Variants in XRCC1 observed in about 807,000 individuals in gnomAD.
XRCC1 encodes X-ray repair cross complementing 1.
In XRCC1, 52 loss-of-function variants were observed where a neutral mutation model predicts 83.3. The observed-to-expected ratio is 0.62, with a 90% CI of 0.50 to 0.79. The LOEUF (loss-of-function observed/expected upper bound fraction) is 0.79. XRCC1 is among the 30% of genes least tolerant of loss of function. The pLI is 0.00. For missense variants in XRCC1, 793 were observed against 823.5 expected (o/e 0.96, Z 0.45); for synonymous variants, 281 against 312.6 (o/e 0.90, Z 1.07).
intron 2 of XRCC1, among the ~76,000 whole-genome samples, chr19:43,563,449 T>C (rs570316531): frequency 2.0e-5 from 3 of 152,270 alleles, no homozygotes; most frequent in South Asian, 4.1e-4. Flanking sequence ...GCCGAGATTG[T>C]GCCACTGCAC....
At position 43,552,072 on chromosome 19, in the gene XRCC1, G is replaced by C. The variant is rs746844181; in HGVS notation, c.1027C>G (p.Leu343Val). ...GGCCGATACTTGGCCCCAAGCTCTA[G>C]GGCCTTATCTCGCAGCTCGGAGCGG... Reference protein sequence around the residue: ...PFRSELRDKALELGAKYRPDW... With the variant: ...PFRSELRDKAVELGAKYRPDW... Residue 343 changes from leucine to valine, a missense_variant, in exon 9 of 17, where the codon CTA (leucine) becomes GTA (valine). Physicochemically the swap from Leu to Val is conservative, Grantham distance 32. Coordinates refer to ENST00000262887, the MANE Select transcript of XRCC1 (RefSeq NM_006297.3). The C allele has an allele frequency of 1.9e-6, 3 of 1,614,098 alleles. No homozygotes were observed. The highest frequency in any genetic ancestry group is 1.3e-5 in the African/African-American group (1 of 75,026).
intron 4 of XRCC1, among the ~76,000 whole-genome samples, chr19:43,554,057 C>A (rs1418545007): frequency 6.6e-6 from 1 of 152,102 alleles, no homozygotes; most frequent in East Asian, 1.9e-4. Flanking sequence ...GATGCAGAGC[C>A]AGAAAATAGG....
chr19:43,560,846 G>T (rs1450527645), intron 3 of XRCC1, 64 bp downstream of exon 3: 1 of 1,363,448 alleles, frequency 7.3e-7, no homozygotes. Flanking sequence ...GCCCCTGGGG[G>T]AGACGGTGAT....
chr19:43,572,927 C>CTTTTTTTTTTTTTTT (rs1015971628), intron 2 of XRCC1, among the ~76,000 whole-genome samples: 1 of 91,150 alleles, frequency 1.1e-5, no homozygotes, highest in African/African-American at 4.5e-5. Context: ...GAGATCTTTT[C>CTTTTTTTTTTTTTTT]TTTTTTTTTT....
rs1425222427 is a variant in XRCC1 at position 43,545,183 on chromosome 19, T to C, written c.1621+635A>G. ...CCACGAGGAACTGGGTGGAAACGGC[T>C]CTTCTGGAAGCCCCAGAACCACACC... On this transcript the variant is annotated intron_variant, in intron 14 of 16. Transcript: ENST00000262887. 6.6e-5 allele frequency among the ~76,000 whole-genome samples: 10 copies of C among 152,164 alleles called. No individual in the cohort carries two copies. In the East Asian group the frequency reaches 1.9e-3, roughly 29 times the overall value.
At chr19:43,559,279 C>G (rs538615794) in intron 3 of XRCC1, among the ~76,000 whole-genome samples, 2 of 151,548 alleles carry the variant, frequency 1.3e-5, no homozygotes, top group East Asian at 3.9e-4. Context: ...GTCAGGAGAT[C>G]GAGACCATCC....
At position 43,543,376 on chromosome 19, in the gene XRCC1, GT is replaced by G; in HGVS notation, c.*15del. 1 of 1,422,076 alleles carries G rather than the reference GT, an allele frequency of 7.0e-7. No homozygotes were observed. The highest frequency in any genetic ancestry group is 9.8e-7 in the Non-Finnish European group (1 of 1,015,992). The allele number at this position is 1,422,076 out of a possible 1,614,324, so 88.1% of individuals were successfully genotyped here. A position where few individuals can be genotyped will look rare whatever the true frequency, so the allele number is the denominator to read the frequency against. On this transcript the variant is annotated 3_prime_UTR_variant, in exon 17 of 17. Transcript: ENST00000262887. ...TGTGTGTGTGTGTGTGTGTGTGTGT[GT>G]GTATAGCACATACTTCAGGCTTGCG...
At chr19:43,561,497 A>G (rs1450101837) in intron 2 of XRCC1, among the ~76,000 whole-genome samples, 3 of 152,180 alleles carry the variant, frequency 2.0e-5, no homozygotes, top group African/African-American at 7.2e-5. Flanking sequence ...GCTGCACACT[A>G]GCTGTATGAC....
At chr19:43,553,250 C>T in intron 6 of XRCC1, 151 bp downstream of exon 6, 3 of 1,127,426 alleles carry the variant, frequency 2.7e-6, no homozygotes, top group Non-Finnish European at 3.8e-6. Flanking sequence ...AGGCCAGGCC[C>T]ACCTTCCTCC....
Position 43,546,838 on chromosome 19 carries a change from T to G in XRCC1, c.1293+46A>C, listed in dbSNP as rs372874944. On this transcript the variant is annotated intron_variant, in intron 11 of 16. Transcript: ENST00000262887. ...TTTGGGGTGCCACAGCGGACTCATG[T>G]CATCCTCCCACTACACCCTCCCCCA... 1.7e-5 allele frequency: 28 copies of G among 1,607,342 alleles called. No individual in the cohort carries two copies. In the African/African-American group the frequency reaches 3.5e-4, roughly 20 times the overall value.
At chr19:43,567,313 T>G (rs1568518285) in intron 2 of XRCC1, among the ~76,000 whole-genome samples, 1 of 151,738 alleles carries the variant, frequency 6.6e-6, no homozygotes, top group Non-Finnish European at 1.5e-5. Flanking sequence ...ATTTATTTAT[T>G]TATTTATGTT....
chr19:43,548,196 G>A (rs915777672), intron 10 of XRCC1, among the ~76,000 whole-genome samples: 2 of 151,542 alleles, frequency 1.3e-5, no homozygotes, highest in Non-Finnish European at 2.9e-5. Context: ...TCCGGGAGGT[G>A]GGGGGCGCCT....
At chr19:43,566,829 A>C (rs1972757828) in intron 2 of XRCC1, among the ~76,000 whole-genome samples, 2 of 145,734 alleles carry the variant, frequency 1.4e-5, no homozygotes, top group Admixed American at 1.4e-4. Flanking sequence ...CAGTGAGCCG[A>C]GATTGCACCA....
At position 43,560,845 on chromosome 19, in the gene XRCC1, G is replaced by A. The variant is rs3213324; in HGVS notation, c.255+65C>T. 5.5e-4 allele frequency: 751 copies of A among 1,364,420 alleles called. 7 individuals are homozygous for A. In the African/African-American group the frequency reaches 9.4e-3, roughly 17 times the overall value. 84.5% of individuals were successfully genotyped at this position (1,364,420 alleles called of 1,614,324 possible). ...TGTCTTCCCAGCCCCAGCCCCTGGGGGAGACGGTGATGCGAGCATGAGGGG... is the reference window on the plus strand; with the variant it reads ...TGTCTTCCCAGCCCCAGCCCCTGGGAGAGACGGTGATGCGAGCATGAGGGG... On this transcript the variant is annotated intron_variant, in intron 3 of 16. Coordinates refer to ENST00000262887, the MANE Select transcript of XRCC1 (RefSeq NM_006297.3).
At chr19:43,548,781 A>C (rs1429153429) in intron 10 of XRCC1, among the ~76,000 whole-genome samples, 1 of 144,960 alleles carries the variant, frequency 6.9e-6, no homozygotes, top group Non-Finnish European at 1.5e-5. Flanking sequence ...AAAAAAAAAA[A>C]AAAAACACAA....
At chr19:43,557,382 C>T (rs1314787717) in intron 3 of XRCC1, among the ~76,000 whole-genome samples, 1 of 148,390 alleles carries the variant, frequency 6.7e-6, no homozygotes. Flanking sequence ...GACTTAGTCT[C>T]TTTTCTAACT....
chr19:43,548,708 T>C (rs1481376142), intron 10 of XRCC1, among the ~76,000 whole-genome samples: 1 of 144,082 alleles, frequency 6.9e-6, no homozygotes, highest in Non-Finnish European at 1.5e-5. Flanking sequence ...GACCTTCCCT[T>C]CACTATTGTC....
chr19:43,549,345 T>G (rs905660868), intron 10 of XRCC1, among the ~76,000 whole-genome samples: 1 of 152,062 alleles, frequency 6.6e-6, no homozygotes, highest in African/African-American at 2.4e-5. Flanking sequence ...CTTCAACCCC[T>G]TCCTCCCAGG....
At position 43,551,602 on chromosome 19, in the gene XRCC1, G is replaced by A. The variant is rs2146048884; in HGVS notation, c.1168C>T (p.His390Tyr). Reference protein sequence around the residue: ...IVRKEWVLDCHRMRRRLPSQR... With the variant: ...IVRKEWVLDCYRMRRRLPSQR... ...GAGGGCAGCCGCCGACGCATGCGGT[G>A]ACAGTCCAGCACCCACTCCTTACGC... The change falls in exon 10 of 17, where the codon CAC (histidine) becomes TAC (tyrosine). Residue 390 changes from histidine (H) to tyrosine (Y), a missense_variant. Coordinates refer to ENST00000262887, the MANE Select transcript of XRCC1 (RefSeq NM_006297.3). 1.2e-6 allele frequency: 2 copies of A among 1,614,190 alleles called. No homozygotes were observed. The highest frequency in any genetic ancestry group is 1.7e-6 in the Non-Finnish European group (2 of 1,180,028).
Sources: allele counts gnomAD v4.1 joint callset (sites outside exome capture counted in the v4.1 genomes callset), GRCh38; gene constraint gnomAD v4.1.1; transcripts MANE v1.5; gene names NCBI Gene and HGNC (gene_info 2026-07-23, HGNC 2026-07-21).